PNPLA6: variants seen among roughly 807,000 people sequenced by gnomAD.
PNPLA6 encodes the protein patatin like domain 6, lysophospholipase.
In PNPLA6, 105 loss-of-function variants were observed where a neutral mutation model predicts 153.7. That is an observed-to-expected ratio of 0.68 (90% confidence interval 0.58 to 0.80). The LOEUF (loss-of-function observed/expected upper bound fraction) is 0.80, where lower values mean the gene tolerates loss of function less well. Ranked by LOEUF, PNPLA6 falls within the 30% of genes least tolerant of loss-of-function variation. The pLI, the probability that PNPLA6 is intolerant of heterozygous loss-of-function variation, is 0.00. For missense variants in PNPLA6, 1,423 were observed against 1,919.3 expected (o/e 0.74, Z 4.83); for synonymous variants, 825 against 822.2 (o/e 1.00, Z -0.06).
chr19:7,558,413 C>T (rs1336610944), intron 27 of PNPLA6, among the ~76,000 whole-genome samples: 2 of 152,186 alleles, frequency 1.3e-5, no homozygotes, highest in Non-Finnish European at 2.9e-5. Context: ...GGGTGGATCA[C>T]TTGAGGTCAG....
chr19:7,558,881 G>T lies in PNPLA6; in HGVS notation c.3429G>T (p.Thr1143=). The T allele has an allele frequency of 6.2e-7, 1 of 1,612,724 alleles. No homozygotes were observed. The highest frequency in any genetic ancestry group is 8.5e-7 in the Non-Finnish European group (1 of 1,179,984). The change falls in exon 28 of 32, where the codon ACG becomes ACT. Residue 1143 remains threonine, a synonymous_variant. Transcript: ENST00000600737. The stretch of plus-strand genomic sequence containing the variant: ...TCGCCCGCAGCATGGGTGCCAAAAC[G>T]GTCATCGCCATTGACGTGGGGAGCC... The part of the protein sequence containing the change: ...ADIARSMGAK[T]VIAIDVGSQD...
At chr19:7,544,283 T>C (rs1395209400) in intron 13 of PNPLA6, among the ~76,000 whole-genome samples, 3 of 152,080 alleles carry the variant, frequency 2.0e-5, no homozygotes, top group East Asian at 1.9e-4. Flanking sequence ...GGCTACTTTT[T>C]ATATTTTTAG....
In PNPLA6 at chr19:7,554,946, G is replaced by C. The variant is rs779565587; in HGVS notation, c.2688G>C (p.Leu896=). The change falls in exon 22 of 32, where the codon CTG becomes CTC. Residue 896 remains leucine (L), a synonymous_variant. Coordinates refer to ENST00000600737, the MANE Select transcript of PNPLA6 (RefSeq NM_001166114.2). ...TAVRALKQLV[L]LHREEGAGPT... ...TGCGCGCCCTTAAGCAGCTAGTCCT[G>C]CTCCACCGAGAGGAGGGCGCGGGCC... The C allele has an allele frequency of 2.5e-6, 4 of 1,585,660 alleles. No individual in the cohort carries two copies. Among genetic ancestry groups the C allele is most frequent in the Middle Eastern group, 1.8e-4 (1 of 5,586 alleles).
intron 13 of PNPLA6, among the ~76,000 whole-genome samples, chr19:7,548,016 C>T (rs1189070190): frequency 1.4e-5 from 1 of 71,398 alleles, no homozygotes; most frequent in African/African-American, 4.7e-5. Flanking sequence ...CCCTGGGCCA[C>T]ATTGGAAGAA....
chr19:7,560,961 G>GCCCCAAGACTCTGTGGGCCC, intron 29 of PNPLA6, 53 bp from the exon 30 acceptor site: 1 of 1,192,194 alleles, frequency 8.4e-7, no homozygotes, highest in Non-Finnish European at 1.2e-6. Flanking sequence ...CCCCCCAGGG[G>GCCCCAAGACTCTGTGGGCCC]CCCCAAGACT....
At position 7,556,340 on chromosome 19, in the gene PNPLA6, G is replaced by A. The variant is rs2023878975; in HGVS notation, c.3094-113G>A. 3 of 781,502 alleles carry A rather than the reference G, an allele frequency of 3.8e-6. No homozygotes were observed. In the Admixed American group the frequency reaches 5.1e-5, roughly 13 times the overall value. 48.4% of individuals were successfully genotyped at this position (781,502 alleles called of 1,614,324 possible). On this transcript the variant is annotated intron_variant, in intron 24 of 31. Coordinates refer to ENST00000600737, the MANE Select transcript of PNPLA6 (RefSeq NM_001166114.2). ...GGCCTCCAAAGTGCTGGGATTACCA[G>A]TGTGAGCCGCTGCACCTGGCCCCTA...
intron 27 of PNPLA6, 46 bp downstream of exon 27, chr19:7,557,330 C>CCACA (rs754424593): frequency 1.7e-6 from 2 of 1,155,882 alleles, no homozygotes; most frequent in Admixed American, 1.7e-5. Flanking sequence ...ACCTCCCGCA[C>CCACA]CACACACACG....
chr19:7,545,323 G>C (rs1448626764), intron 13 of PNPLA6, among the ~76,000 whole-genome samples: 1 of 151,994 alleles, frequency 6.6e-6, no homozygotes, highest in Non-Finnish European at 1.5e-5. Context: ...CTCGGCACCT[G>C]GCCACAGTCT....
At chr19:7,549,186 T>C (rs67390230) in intron 13 of PNPLA6, among the ~76,000 whole-genome samples, 97,804 of 143,830 alleles carry the variant, frequency 0.68, 33,591 homozygotes, top group South Asian at 0.78. Context: ...ATGTTTCTTT[T>C]TTTTCTTTTT....
At position 7,555,588 on chromosome 19, in the gene PNPLA6, G is replaced by A. The variant is rs775089439; in HGVS notation, c.2937-19G>A. On this transcript the variant is annotated intron_variant, in intron 23 of 31. Coordinates refer to ENST00000600737, the MANE Select transcript of PNPLA6 (RefSeq NM_001166114.2). The surrounding 1 kb of genome is among the most constrained non-coding windows in gnomAD (Gnocchi z 6.3). ...GCAGGTGGGGCCTAGCGGGTCACTG[G>A]GGCCCATTTTCCCGGCAGGGGCTGC... 1 of 1,610,496 alleles carries A rather than the reference G, an allele frequency of 6.2e-7. No individual in the cohort carries two copies. Among genetic ancestry groups the A allele is most frequent in the South Asian group, 1.1e-5 (1 of 90,854 alleles).
At chr19:7,535,088 C>G (rs989801518), upstream of PNPLA6, 6 of 211,666 alleles carry the variant, frequency 2.8e-5, no homozygotes, top group Admixed American at 1.0e-4. This position sits in a 1 kb window ranked among gnomAD's most constrained non-coding sequence, Gnocchi z 5.0. Context: ...GGGGGTGCGG[C>G]CTGGGGGGTG....
rs115029724 is a variant in PNPLA6, at chr19:7,551,230, A to C, written c.2184+123A>C. 3,687 of 554,640 alleles carry C rather than the reference A, an allele frequency of 6.6e-3. 57 individuals carry two copies. The highest frequency in any genetic ancestry group is 0.064 in the African/African-American group (2,106 of 32,790). 34.4% of individuals were successfully genotyped at this position (554,640 alleles called of 1,614,324 possible). ...GTCGAGGGAGGGGCCGAAGCGAGAG[A>C]GTGAGGGCGGGGGCTCTCGGGGGTG... On this transcript the variant is annotated intron_variant, in intron 17 of 31. Transcript: ENST00000600737.
chr19:7,554,005 G>A lies in PNPLA6; in HGVS notation c.2391G>A (p.Leu797=). 6.2e-7 allele frequency: 1 copy of A among 1,613,634 alleles called. No homozygotes were observed. Among genetic ancestry groups the A allele is most frequent in the East Asian group, 2.2e-5 (1 of 44,874 alleles). The change falls in exon 19 of 32, where the codon CTG becomes CTA. Residue 797 remains leucine (L), a synonymous_variant. Coordinates refer to ENST00000600737, the MANE Select transcript of PNPLA6 (RefSeq NM_001166114.2). ...VAFTLELQHA[L]QAIGPTLLLN... ...TCACGCTGGAGCTGCAGCACGCCCT[G>A]CAGGCCATCGGTCAGTGGGGTGAGG...
intron 20 of PNPLA6, 135 bp downstream of exon 20, chr19:7,554,407 AGTGG>A: frequency 2.5e-6 from 3 of 1,223,358 alleles, no homozygotes; most frequent in Non-Finnish European, 3.6e-6. Flanking sequence ...GGAGATTCGC[AGTGG>A]TGTGAATCTG....
Position 7,555,180 on chromosome 19 carries a change from G to T in PNPLA6, c.2818-69G>T, listed in dbSNP as rs2023817927. The T allele has an allele frequency of 2.0e-6, 3 of 1,528,408 alleles. No homozygotes were observed. Among genetic ancestry groups the T allele is most frequent in the Non-Finnish European group, 2.7e-6 (3 of 1,127,200 alleles). The allele number at this position is 1,528,408 out of a possible 1,614,324, so 94.7% of individuals were successfully genotyped here. A position where few individuals can be genotyped will look rare whatever the true frequency, so the allele number is the denominator to read the frequency against. On this transcript the variant is annotated intron_variant, in intron 22 of 31. Transcript: ENST00000600737. This position sits in a 1 kb window ranked among gnomAD's most constrained non-coding sequence, Gnocchi z 6.3. ...GGCTGAGGACAGGCTCGAAGGTCAGGGTACCCCTGGGGGATCCGCCGGACC... is the reference window on the plus strand; with the variant it reads ...GGCTGAGGACAGGCTCGAAGGTCAGTGTACCCCTGGGGGATCCGCCGGACC...
At position 7,550,388 on chromosome 19, in the gene PNPLA6, C is replaced by T; in HGVS notation, c.1905C>T (p.Ala635=). 6.2e-7 allele frequency: 1 copy of T among 1,612,010 alleles called. No homozygotes were observed. Among genetic ancestry groups the T allele is most frequent in the Non-Finnish European group, 8.5e-7 (1 of 1,180,026 alleles). Reference sequence around the variant, plus strand: ...CCTTCGTGCGCCAGATGGACTTCGCCATCGACTGGACTGCAGTGGAGGCGG... The same window carrying T: ...CCTTCGTGCGCCAGATGGACTTCGCTATCGACTGGACTGCAGTGGAGGCGG... ...MSPFVRQMDF[A]IDWTAVEAGR... Residue 635 remains alanine, a synonymous_variant, in exon 15 of 32, where the codon GCC becomes GCT. Transcript: ENST00000600737.
At chr19:7,535,279 A>G, upstream of PNPLA6, 1 of 590,838 alleles carries the variant, frequency 1.7e-6, no homozygotes, top group Non-Finnish European at 3.0e-6. The surrounding 1 kb of genome is among the most constrained non-coding windows in gnomAD (Gnocchi z 5.0). Flanking sequence ...GCGTAGGCGA[A>G]GGGAGCAGGA....
At chr19:7,560,531 T>C in intron 28 of PNPLA6, 117 bp from the exon 29 acceptor site, 1 of 763,474 alleles carries the variant, frequency 1.3e-6, no homozygotes, top group Non-Finnish European at 2.4e-6. Context: ...ATAGGTTTAG[T>C]CTCAAATGCA....
chr19:7,554,964 C>T lies in PNPLA6; in HGVS notation c.2706C>T (p.Gly902=), dbSNP rs113264142. 3,223 of 1,590,092 alleles carry T rather than the reference C, an allele frequency of 2.0e-3. 60 individuals carry two copies. The African/African-American group carries it at 0.038, about 19-fold the overall frequency. Residue 902 remains glycine, a synonymous_variant, in exon 22 of 32, where the codon GGC becomes GGT. Transcript: ENST00000600737. ...TAGTCCTGCTCCACCGAGAGGAGGG[C>T]GCGGGCCCCACGCGCACCGTGGAGT... is the stretch of plus-strand genomic sequence containing the variant. ...KQLVLLHREE[G]AGPTRTVEWL...
Sources: allele counts gnomAD v4.1 joint callset (sites outside exome capture counted in the v4.1 genomes callset), GRCh38; gene constraint gnomAD v4.1.1; non-coding constraint Gnocchi (gnomAD v3.1); transcripts MANE v1.5; gene names NCBI Gene and HGNC (gene_info 2026-07-23, HGNC 2026-07-21).